The following PTPN2 variants were observed in gnomAD, a reference collection of about 807,000 sequenced individuals.
PTPN2 encodes protein tyrosine phosphatase non-receptor type 2.
Under a neutral mutation model 57.3 loss-of-function variants are expected in PTPN2, and 19 were observed. The observed-to-expected ratio is 0.33, with a 90% CI of 0.23 to 0.49. PTPN2 has a LOEUF of 0.49. PTPN2 is among the 20% of genes least tolerant of loss of function. The pLI, the probability that PTPN2 is intolerant of heterozygous loss-of-function variation, is 0.99. For missense variants in PTPN2, 358 were observed against 501.1 expected, an observed-to-expected ratio of 0.71 and a Z score of 2.73; for synonymous variants, 153 against 164.9, an observed-to-expected ratio of 0.93 and a Z score of 0.55.
intron 1 of PTPN2, among the ~76,000 whole-genome samples, chr18:12,881,658 T>TCC (rs2044670557): frequency 6.6e-6 from 1 of 152,110 alleles, no homozygotes. Flanking sequence ...TCTCTTCACC[T>TCC]CCCTTGTCCT....
intron 1 of PTPN2, among the ~76,000 whole-genome samples, chr18:12,871,468 T>C (rs1267527126): frequency 2.6e-5 from 4 of 152,200 alleles, no homozygotes; most frequent in African/African-American, 9.6e-5. Flanking sequence ...ATTTCCGCTC[T>C]CTTTTTGATA....
intron 3 of PTPN2, among the ~76,000 whole-genome samples, chr18:12,833,362 G>C (rs1287262373): frequency 6.6e-6 from 1 of 152,196 alleles, no homozygotes; most frequent in East Asian, 1.9e-4. Flanking sequence ...AGACTGAGAT[G>C]CAGTCTTGGC....
At chr18:12,799,081 A>G (rs1324593463) in intron 8 of PTPN2, among the ~76,000 whole-genome samples, 1 of 152,196 alleles carries the variant, frequency 6.6e-6, no homozygotes, top group Non-Finnish European at 1.5e-5. Flanking sequence ...AATGAATACA[A>G]TGAAAATGAA....
At chr18:12,799,697 G>T (rs2041338322) in intron 8 of PTPN2, among the ~76,000 whole-genome samples, 1 of 151,652 alleles carries the variant, frequency 6.6e-6, no homozygotes, top group Non-Finnish European at 1.5e-5. Context: ...TCCCACCTCA[G>T]CCTCCCAAGA....
chr18:12,793,487 T>C lies in PTPN2; in HGVS notation c.*791A>G, dbSNP rs1004494259. The C allele has an allele frequency of 9.2e-6, 9 of 978,534 alleles. No homozygotes were observed. The highest frequency in any genetic ancestry group is 9.7e-6 in the Non-Finnish European group (8 of 823,228). 60.6% of individuals were successfully genotyped at this position (978,534 alleles called of 1,614,324 possible). ...AGTCTTGACCAACTGTTTACCTGAC[T>C]ATCCCAGTAAGGAGAATTTTCCTTC... On this transcript the variant is annotated 3_prime_UTR_variant, in exon 9 of 9. Coordinates refer to ENST00000309660, the MANE Select transcript of PTPN2 (RefSeq NM_002828.4).
At chr18:12,863,564 G>GGC in intron 1 of PTPN2, 1 of 108,548 alleles carries the variant, frequency 9.2e-6, no homozygotes, top group African/African-American at 3.5e-5. Flanking sequence ...GGGGGGGGGG[G>GGC]CAAGTGGGGA....
At chr18:12,865,391 C>T (rs971452175) in intron 1 of PTPN2, among the ~76,000 whole-genome samples, 5 of 150,562 alleles carry the variant, frequency 3.3e-5, no homozygotes, top group African/African-American at 1.2e-4. Flanking sequence ...GCCGTGATCA[C>T]GCCACTGCAT....
rs771238838 is a variant in PTPN2 at position 12,793,729 on chromosome 18, T to G, written c.*549A>C. ...TTTTTTAGTAACAGATTTTTCAAAT[T>G]GAGCTCTTAAAAAGTACAGTTAACT... On this transcript the variant is annotated 3_prime_UTR_variant, in exon 9 of 9. Transcript: ENST00000309660. 5 of 961,772 alleles carry G rather than the reference T, an allele frequency of 5.2e-6. No individual in the cohort carries two copies. Among genetic ancestry groups the G allele is most frequent in the Non-Finnish European group, 6.2e-6 (5 of 807,908 alleles). 59.6% of individuals were successfully genotyped at this position (961,772 alleles called of 1,614,324 possible).
At chr18:12,821,813 A>G (rs1040385885) in intron 5 of PTPN2, among the ~76,000 whole-genome samples, 4 of 152,208 alleles carry the variant, frequency 2.6e-5, no homozygotes, top group African/African-American at 9.7e-5. Flanking sequence ...CACTGGACAC[A>G]GACTTTTTTT....
At chr18:12,873,716 T>C (rs1256537016) in intron 1 of PTPN2, among the ~76,000 whole-genome samples, 1 of 152,148 alleles carries the variant, frequency 6.6e-6, no homozygotes, top group Non-Finnish European at 1.5e-5. Flanking sequence ...CCACCCCGTC[T>C]AGGAAGTGAG....
chr18:12,837,932 T>C (rs2042922491), intron 2 of PTPN2, among the ~76,000 whole-genome samples: 1 of 152,218 alleles, frequency 6.6e-6, no homozygotes. Flanking sequence ...ACTAAGATCT[T>C]GTTATAGTAA....
At chr18:12,828,906 T>A (rs1158829266) in intron 4 of PTPN2, among the ~76,000 whole-genome samples, 1 of 150,754 alleles carries the variant, frequency 6.6e-6, no homozygotes, top group African/African-American at 2.4e-5. Context: ...CAAAAAAAAT[T>A]TTTTTTTTTT....
chr18:12,883,946 C>T, intron 1 of PTPN2, 127 bp downstream of exon 1: 1 of 748,832 alleles, frequency 1.3e-6, no homozygotes, highest in Non-Finnish European at 2.1e-6. Flanking sequence ...GCGGACCGCG[C>T]CGCCACTTCC....
chr18:12,847,372 A>G (rs1393336518), intron 2 of PTPN2, among the ~76,000 whole-genome samples: 1 of 152,208 alleles, frequency 6.6e-6, no homozygotes, highest in Non-Finnish European at 1.5e-5. Context: ...CATGAACCCT[A>G]GTTCTATATT....
intron 2 of PTPN2, among the ~76,000 whole-genome samples, chr18:12,854,612 A>T (rs2043521037): frequency 6.6e-6 from 1 of 152,198 alleles, no homozygotes; most frequent in South Asian, 2.1e-4. Flanking sequence ...GGACACCCAG[A>T]CAGAGATGAT....
intron 2 of PTPN2, among the ~76,000 whole-genome samples, chr18:12,851,788 T>C (rs1327927252): frequency 6.6e-6 from 1 of 152,308 alleles, no homozygotes; most frequent in Non-Finnish European, 1.5e-5. Flanking sequence ...AAAGTATGTT[T>C]ATTTGAGAAT....
At chr18:12,874,385 G>A (rs1453510737) in intron 1 of PTPN2, among the ~76,000 whole-genome samples, 1 of 147,628 alleles carries the variant, frequency 6.8e-6, no homozygotes, top group Non-Finnish European at 1.5e-5. Flanking sequence ...TGGGAAGTGA[G>A]GAGCCCCTTC....
intron 7 of PTPN2, among the ~76,000 whole-genome samples, chr18:12,805,153 A>G (rs2041593136): frequency 6.6e-6 from 1 of 152,154 alleles, no homozygotes; most frequent in Non-Finnish European, 1.5e-5. Flanking sequence ...CAGAAAAACC[A>G]TTTGATAAAA....
At chr18:12,869,186 T>C (rs2044100473) in intron 1 of PTPN2, 1 of 152,180 alleles carries the variant, frequency 6.6e-6, no homozygotes, top group African/African-American at 2.4e-5. Flanking sequence ...TTATTTTACT[T>C]ATATTTTTGA....
Sources: gnomAD v4.1 joint callset for allele counts (sites outside exome capture counted in the v4.1 genomes callset) on GRCh38, gnomAD v4.1.1 for gene constraint, MANE v1.5 for transcripts, NCBI Gene and HGNC (gene_info 2026-07-23, HGNC 2026-07-21) for gene names.